Variants in DLG2 observed in about 807,000 individuals in gnomAD.
DLG2 encodes discs large MAGUK scaffold protein 2, also known as disks large homolog 2.
A neutral mutation model predicts 132.5 loss-of-function variants in DLG2; 45 were observed. The ratio of observed to expected loss-of-function variants is 0.34; its 90% confidence interval spans 0.27 to 0.44. The LOEUF is 0.44. Among genes scored for constraint, DLG2 ranks in the 20% least tolerant of loss-of-function variants. DLG2 has a pLI of 1.00. For synonymous variants in DLG2, 424 were observed against 419.6 expected (o/e 1.01, Z -0.13); for missense variants, 1,045 against 1,196.9 (o/e 0.87, Z 1.87).
intron 6 of DLG2, chr11:85,020,991 T>G: frequency 1.3e-6 from 1 of 778,836 alleles, no homozygotes; most frequent in South Asian, 1.3e-5. Context: ...CTGCTCCTCT[T>G]CTGACTTATT....
chr11:84,804,752 T>A (rs531103907), intron 6 of DLG2, among the ~76,000 whole-genome samples: 3 of 152,202 alleles, frequency 2.0e-5, no homozygotes, highest in Non-Finnish European at 2.9e-5. Flanking sequence ...TGCACAACAA[T>A]CTGTGACCCT....
At chr11:83,590,206 C>G (rs1351249773) in intron 19 of DLG2, among the ~76,000 whole-genome samples, 1 of 149,794 alleles carries the variant, frequency 6.7e-6, no homozygotes, top group Non-Finnish European at 1.5e-5. Flanking sequence ...AGCACCACAC[C>G]ACACCTATTC....
intron 6 of DLG2, among the ~76,000 whole-genome samples, chr11:84,724,727 G>A (rs1380653715): frequency 1.3e-5 from 2 of 152,150 alleles, no homozygotes; most frequent in Non-Finnish European, 2.9e-5. Context: ...ATACTAATCA[G>A]CTAAATGAAC....
chr11:83,989,052 G>A (rs1488046491), intron 11 of DLG2, among the ~76,000 whole-genome samples: 3 of 152,090 alleles, frequency 2.0e-5, no homozygotes, highest in African/African-American at 4.8e-5. Context: ...AAGAATGAAT[G>A]AACAAATGAA....
chr11:83,707,815 G>T (rs2084410563), intron 18 of DLG2, among the ~76,000 whole-genome samples: 1 of 152,142 alleles, frequency 6.6e-6, no homozygotes, highest in Non-Finnish European at 1.5e-5. Context: ...TTATATCCCA[G>T]CACCCAGCAC....
chr11:84,440,653 C>T (rs1007964449), intron 7 of DLG2, among the ~76,000 whole-genome samples: 1 of 152,080 alleles, frequency 6.6e-6, no homozygotes, highest in Non-Finnish European at 1.5e-5. Context: ...ATAATCAGTA[C>T]CTGGACAGAC....
At chr11:85,200,198 T>G (rs975365597) in intron 4 of DLG2, among the ~76,000 whole-genome samples, 2 of 152,134 alleles carry the variant, frequency 1.3e-5, no homozygotes, top group African/African-American at 2.4e-5. Flanking sequence ...GCTCCAGGGT[T>G]CAAGCCTAGA....
chr11:83,670,702 A>G (rs1441894669), intron 18 of DLG2, among the ~76,000 whole-genome samples: 1 of 152,160 alleles, frequency 6.6e-6, no homozygotes, highest in Non-Finnish European at 1.5e-5. Context: ...TAATAAATTT[A>G]TCTCATTGCA....
chr11:85,054,153 T>A (rs1279753263), intron 6 of DLG2, among the ~76,000 whole-genome samples: 1 of 151,136 alleles, frequency 6.6e-6, no homozygotes, highest in African/African-American at 2.4e-5. Flanking sequence ...TAACCCCAGA[T>A]ACTGGGGAGG....
intron 21 of DLG2, among the ~76,000 whole-genome samples, chr11:83,507,020 C>G (rs930839178): frequency 1.3e-5 from 2 of 152,136 alleles, no homozygotes; most frequent in African/African-American, 2.4e-5. Context: ...CTGGGTTCAT[C>G]CTTTTCTTTC....
intron 3 of DLG2, among the ~76,000 whole-genome samples, chr11:85,521,098 T>C (rs576558893): frequency 6.6e-6 from 1 of 152,224 alleles, no homozygotes; most frequent in Non-Finnish European, 1.5e-5. Flanking sequence ...TGGAGGAAAA[T>C]ATCTGCAAAC....
intron 6 of DLG2, chr11:85,021,371 C>T (rs1045590955): frequency 7.5e-6 from 10 of 1,339,268 alleles, no homozygotes; most frequent in Middle Eastern, 1.8e-4. Flanking sequence ...TTCACACCTG[C>T]TTTTCCTCGG....
At chr11:85,367,676 T>C (rs1208335819) in intron 3 of DLG2, among the ~76,000 whole-genome samples, 1 of 152,122 alleles carries the variant, frequency 6.6e-6, no homozygotes, top group Non-Finnish European at 1.5e-5. Context: ...GAAGATAAAA[T>C]ACTTCATGGG....
chr11:85,058,234 T>C (rs923528250), intron 6 of DLG2, among the ~76,000 whole-genome samples: 1 of 151,540 alleles, frequency 6.6e-6, no homozygotes, highest in African/African-American at 2.4e-5. Flanking sequence ...TAAAAATCAA[T>C]TGCATTTCTT....
chr11:83,988,356 C>T (rs1337628176), intron 11 of DLG2, among the ~76,000 whole-genome samples: 1 of 151,970 alleles, frequency 6.6e-6, no homozygotes, highest in Non-Finnish European at 1.5e-5. Context: ...ATGTGGCTAG[C>T]TATGGATGCC....
intron 11 of DLG2, among the ~76,000 whole-genome samples, chr11:84,017,985 A>G (rs1190361426): frequency 6.6e-6 from 1 of 151,550 alleles, no homozygotes; most frequent in African/African-American, 2.4e-5. Flanking sequence ...TTATTTTATC[A>G]TTGGTTTTCT....
intron 18 of DLG2, among the ~76,000 whole-genome samples, chr11:83,701,174 G>C (rs2082874029): frequency 6.6e-6 from 1 of 152,046 alleles, no homozygotes; most frequent in Admixed American, 6.6e-5. Context: ...TATGGTGGTT[G>C]AAAATTCCAG....
At chr11:85,461,415 C>T (rs76680657) in intron 3 of DLG2, among the ~76,000 whole-genome samples, 3,642 of 152,224 alleles carry the variant, frequency 0.024, 142 homozygotes, top group African/African-American at 0.082. Context: ...AAAGAGAACA[C>T]AAGAAAACTG....
At chr11:85,546,050 T>A (rs2076301161) in intron 3 of DLG2, among the ~76,000 whole-genome samples, 1 of 152,208 alleles carries the variant, frequency 6.6e-6, no homozygotes. Flanking sequence ...ATTTGTTTGC[T>A]CCTGCTTCTC....
Sources: allele counts gnomAD v4.1 joint callset (sites outside exome capture counted in the v4.1 genomes callset), GRCh38; gene constraint gnomAD v4.1.1; transcripts MANE v1.5; gene names NCBI Gene and HGNC (gene_info 2026-07-23, HGNC 2026-07-21).